GC: variants seen among roughly 807,000 people sequenced by gnomAD.
GC encodes vitamin D-binding protein.
A neutral mutation model predicts 56.7 loss-of-function variants in GC; 43 were observed. The observed-to-expected ratio is 0.76, with a 90% CI of 0.59 to 0.98. The LOEUF (loss-of-function observed/expected upper bound fraction) is 0.98. Among genes scored for constraint, GC ranks in the 50% least tolerant of loss-of-function variants. GC has a pLI of 0.00. For missense variants in GC, 529 were observed against 545.9 expected (o/e 0.97, Z 0.31); for synonymous variants, 216 against 202.7 (o/e 1.07, Z -0.56).
Position 71,752,537 on chromosome 4 carries a change from G to A in GC, c.1376C>T (p.Pro459Leu). 3 of 1,613,388 alleles carry A rather than the reference G, an allele frequency of 1.9e-6. No homozygotes were observed. The highest frequency in any genetic ancestry group is 2.5e-6 in the Non-Finnish European group (3 of 1,179,558). Residue 459 changes from proline (P) to leucine (L), a missense_variant, in exon 11 of 13, where the codon CCT (proline) becomes CTT (leucine). By Grantham distance (98) the Pro-to-Leu change is moderately conservative. Coordinates refer to ENST00000273951, the MANE Select transcript of GC (RefSeq NM_000583.4). The part of the protein sequence containing the change: ...ASNCCSINSP[P>L]LYCDSEIDAE... ...TCCTACCTCTGAATCACAGTAAAGAGGAGGTGAGTTTATGGAACAGCAGTT... is the reference window on the plus strand; with the variant it reads ...TCCTACCTCTGAATCACAGTAAAGAAGAGGTGAGTTTATGGAACAGCAGTT...
rs1163565051 is a variant in GC at position 71,752,621 on chromosome 4, G to A, written c.1292C>T (p.Pro431Leu). Residue 431 changes from proline to leucine, a missense_variant, in exon 11 of 13, where the codon CCT (proline) becomes CTT (leucine). Transcript: ENST00000273951. ...TGCCAGTTCCGTGGGTGTGGCATCA[G>A]GCAATTTTGCTTTTAGTCGCTCTGC... ...KLAERLKAKLPDATPTELAKL... is the reference protein window; with the variant it reads ...KLAERLKAKLLDATPTELAKL... 1.2e-6 allele frequency: 2 copies of A among 1,613,236 alleles called. No individual in the cohort carries two copies. The highest frequency in any genetic ancestry group is 1.7e-6 in the Non-Finnish European group (2 of 1,179,340).
intron 1 of GC, among the ~76,000 whole-genome samples, chr4:71,779,155 C>A (rs2149305452): frequency 6.6e-6 from 1 of 151,796 alleles, no homozygotes; most frequent in Non-Finnish European, 1.5e-5. Flanking sequence ...ATTTTTTGAA[C>A]ACCTACTAAA....
chr4:71,759,288 A>C (rs1741888303), intron 6 of GC, among the ~76,000 whole-genome samples: 1 of 152,150 alleles, frequency 6.6e-6, no homozygotes, highest in Non-Finnish European at 1.5e-5. Flanking sequence ...TGAATTTTTA[A>C]GATATATACC....
At chr4:71,791,580 T>A (rs1385358224) in intron 1 of GC, among the ~76,000 whole-genome samples, 2 of 152,120 alleles carry the variant, frequency 1.3e-5, no homozygotes, top group African/African-American at 4.8e-5. Context: ...CTACATTTAT[T>A]TACTTATTCT....
In GC at chr4:71,756,910, G is replaced by C; in HGVS notation, c.836C>G (p.Pro279Arg). ...GTCACAGAGTTTTACTGTGTGTTCA[G>C]GCAGCTACAAAACGAATGGTTAGTT... Reference protein sequence around the residue: ...ASEDCMAKELPEHTVKLCDNL... With the variant: ...ASEDCMAKELREHTVKLCDNL... The change falls in exon 8 of 13, where the codon CCT becomes CGT. Residue 279 changes from proline (P) to arginine (R), a missense_variant. Transcript: ENST00000273951. 1 of 1,606,940 alleles carries C rather than the reference G, an allele frequency of 6.2e-7. No individual in the cohort carries two copies. The highest frequency in any genetic ancestry group is 1.1e-5 in the South Asian group (1 of 90,904).
intron 1 of GC, among the ~76,000 whole-genome samples, chr4:71,801,598 A>T (rs2149311522): frequency 6.6e-6 from 1 of 152,272 alleles, no homozygotes; most frequent in South Asian, 2.1e-4. Flanking sequence ...ACACATGAAA[A>T]CAGGGACCTC....
At chr4:71,789,996 A>G (rs942431297) in intron 1 of GC, among the ~76,000 whole-genome samples, 1 of 151,952 alleles carries the variant, frequency 6.6e-6, no homozygotes, top group African/African-American at 2.4e-5. Context: ...GAATTTTAGC[A>G]CTTCCCCTTG....
At chr4:71,754,880 G>T in intron 9 of GC, 98 bp downstream of exon 9, 1 of 707,528 alleles carries the variant, frequency 1.4e-6, no homozygotes, top group Non-Finnish European at 2.3e-6. Flanking sequence ...TAGTTTGTAG[G>T]CCATAAAAAA....
intron 2 of GC, 140 bp from the exon 3 acceptor site, chr4:71,768,573 A>G (rs1186823025): frequency 4.9e-6 from 3 of 608,920 alleles, no homozygotes; most frequent in Non-Finnish European, 8.1e-6. Flanking sequence ...GGTTCAAGCA[A>G]TTCTGCCTCA....
At position 71,784,030 on chromosome 4, in the gene GC, A is replaced by G. The variant is rs1329711882; in HGVS notation, c.-12T>C. Reference sequence around the variant, plus strand: ...AGGACCCTCTTCATTTTTCTACCAGAGAGTCTTGCAGCACCTCCTCTCTCC... The same window carrying G: ...AGGACCCTCTTCATTTTTCTACCAGGGAGTCTTGCAGCACCTCCTCTCTCC... On this transcript the variant is annotated 5_prime_UTR_variant, in exon 1 of 13. Transcript: ENST00000273951. 5.0e-6 allele frequency: 8 copies of G among 1,603,094 alleles called. No individual in the cohort carries two copies. In the East Asian group the frequency reaches 1.6e-4, roughly 31 times the overall value.
intron 1 of GC, 120 bp from the exon 2 acceptor site, chr4:71,769,520 C>T (rs1240402216): frequency 4.6e-6 from 3 of 656,030 alleles, no homozygotes; most frequent in East Asian, 2.8e-5. Context: ...TTCTCAATGT[C>T]TATATGCAAT....
At chr4:71,755,693 T>G (rs976736873) in intron 8 of GC, among the ~76,000 whole-genome samples, 14 of 152,214 alleles carry the variant, frequency 9.2e-5, no homozygotes, top group Admixed American at 2.0e-4. Context: ...ACATATCTAC[T>G]TCAAATGCAT....
At chr4:71,761,227 G>A (rs1741964642) in intron 6 of GC, among the ~76,000 whole-genome samples, 2 of 152,170 alleles carry the variant, frequency 1.3e-5, no homozygotes, top group Admixed American at 1.3e-4. Context: ...TTTGGGAACT[G>A]GAGCAAAGGT....
chr4:71,754,458 T>C lies in GC; in HGVS notation c.1215A>G (p.Glu405=), dbSNP rs1006632058. 2.5e-6 allele frequency: 4 copies of C among 1,594,592 alleles called. No homozygotes were observed. The African/African-American group carries it at 5.4e-5, about 21-fold the overall frequency. Residue 405 remains glutamate, a synonymous_variant, in exon 10 of 13, where the codon GAA becomes GAG. Transcript: ENST00000273951. ...ELSSFIDKGQ[E]LCADYSENTF... ...TATTTTCTGAATAATCTGCACATAG[T>C]TCTTGTCCCTTGTCAATGAAAGAAG...
chr4:71,788,690 A>AGG (rs397823689), upstream of GC, among the ~76,000 whole-genome samples: 1 of 146,896 alleles, frequency 6.8e-6, no homozygotes, highest in East Asian at 2.0e-4. Context: ...AAAGAAAGAG[A>AGG]AAAAAAGAAA....
chr4:71,791,598 G>T (rs866535768), intron 1 of GC, among the ~76,000 whole-genome samples: 16 of 151,446 alleles, frequency 1.1e-4, no homozygotes, highest in African/African-American at 3.6e-4. Flanking sequence ...TCTTTGATTT[G>T]TTTCATCAGA....
chr4:71,742,920 GC>G (rs1450098510), intron 12 of GC, among the ~76,000 whole-genome samples: 1 of 152,196 alleles, frequency 6.6e-6, no homozygotes, highest in African/African-American at 2.4e-5. Context: ...CTTGCGGTGA[GC>G]CCAGATTGTG....
At chr4:71,791,355 G>A (rs1742963813) in intron 1 of GC, among the ~76,000 whole-genome samples, 1 of 151,938 alleles carries the variant, frequency 6.6e-6, no homozygotes, top group African/African-American at 2.4e-5. Flanking sequence ...TTGCTGTCCT[G>A]TGGGTAGTAT....
At chr4:71,773,512 C>T (rs1394273507) in intron 1 of GC, among the ~76,000 whole-genome samples, 3 of 151,932 alleles carry the variant, frequency 2.0e-5, no homozygotes, top group African/African-American at 7.2e-5. Context: ...TACAATGGAA[C>T]CCAAAATAGA....
Sources: gnomAD v4.1 joint callset for allele counts (sites outside exome capture counted in the v4.1 genomes callset) on GRCh38, gnomAD v4.1.1 for gene constraint, MANE v1.5 for transcripts, NCBI Gene and HGNC (gene_info 2026-07-23, HGNC 2026-07-21) for gene names.